The following QTMAN variants were observed in gnomAD, a reference collection of about 807,000 sequenced individuals.
The protein encoded by QTMAN is queuosine-tRNA mannosyltransferase.
At chr2:144,005,313 G>A in the QTMAN span, among the ~76,000 whole-genome samples, 3 of 152,190 alleles carry the variant, frequency 2.0e-5, no homozygotes, top group East Asian at 5.8e-4. Flanking sequence ...AATATCGAAT[G>A]TCAACATAAA....
the QTMAN span, among the ~76,000 whole-genome samples, chr2:144,229,464 A>G: frequency 6.6e-6 from 1 of 152,134 alleles, no homozygotes; most frequent in East Asian, 1.9e-4. Flanking sequence ...TTTCCTTTTT[A>G]TCCCCCAGTT....
At chr2:144,186,124 A>G in the QTMAN span, among the ~76,000 whole-genome samples, 1 of 152,186 alleles carries the variant, frequency 6.6e-6, no homozygotes, top group South Asian at 2.1e-4. Context: ...GTATGGGTCA[A>G]TATATCTACT....
the QTMAN span, chr2:144,332,553 C>G: frequency 6.7e-6 from 1 of 148,412 alleles, no homozygotes; most frequent in African/African-American, 2.4e-5. Context: ...CCGCCCCTCC[C>G]GGCCCGCGGC....
chr2:144,064,960 G>C, the QTMAN span, among the ~76,000 whole-genome samples: 1 of 152,186 alleles, frequency 6.6e-6, no homozygotes, highest in Non-Finnish European at 1.5e-5. Flanking sequence ...GAGGGGGGCA[G>C]AGTCCAGAGC....
chr2:144,238,797 G>A, the QTMAN span, among the ~76,000 whole-genome samples: 1 of 152,082 alleles, frequency 6.6e-6, no homozygotes, highest in African/African-American at 2.4e-5. Context: ...TTCAATGCTT[G>A]AATTACCATA....
chr2:144,185,696 T>G, the QTMAN span, among the ~76,000 whole-genome samples: 2 of 152,166 alleles, frequency 1.3e-5, no homozygotes, highest in African/African-American at 4.8e-5. Context: ...ACTTTCTGAG[T>G]GACAACTGTC....
the QTMAN span, among the ~76,000 whole-genome samples, chr2:143,985,744 G>A: frequency 6.8e-6 from 1 of 148,054 alleles, no homozygotes; most frequent in Non-Finnish European, 1.5e-5. Flanking sequence ...CACATATAGA[G>A]AGCAGTATGT....
chr2:144,177,867 A>G, the QTMAN span, among the ~76,000 whole-genome samples: 441 of 152,332 alleles, frequency 2.9e-3, 2 homozygotes, highest in African/African-American at 0.01. Context: ...GAATTTTAAC[A>G]TTATCAACAT....
chr2:144,180,314 T>C, the QTMAN span, among the ~76,000 whole-genome samples: 2 of 152,200 alleles, frequency 1.3e-5, no homozygotes, highest in African/African-American at 4.8e-5. Flanking sequence ...AAACCAAGAT[T>C]TTTTGGGAGT....
the QTMAN span, among the ~76,000 whole-genome samples, chr2:144,119,233 G>A: frequency 6.6e-6 from 1 of 152,102 alleles, no homozygotes. Context: ...GTATTGAGAG[G>A]CAGCAAGGAA....
the QTMAN span, among the ~76,000 whole-genome samples, chr2:143,959,555 C>G: frequency 6.6e-6 from 1 of 152,044 alleles, no homozygotes; most frequent in Admixed American, 6.6e-5. Context: ...GGAACATACT[C>G]AGCATTCAAT....
the QTMAN span, among the ~76,000 whole-genome samples, chr2:144,123,495 T>C: frequency 6.6e-6 from 1 of 152,136 alleles, no homozygotes; most frequent in Non-Finnish European, 1.5e-5. Flanking sequence ...AATTATTTTA[T>C]AACACAGATA....
chr2:144,184,930 T>C, the QTMAN span, among the ~76,000 whole-genome samples: 4 of 152,014 alleles, frequency 2.6e-5, no homozygotes, highest in African/African-American at 4.8e-5. Flanking sequence ...TAACCGTAAA[T>C]AGCTATATGA....
At chr2:144,284,487 A>G in the QTMAN span, among the ~76,000 whole-genome samples, 1 of 152,138 alleles carries the variant, frequency 6.6e-6, no homozygotes, top group Non-Finnish European at 1.5e-5. Flanking sequence ...ATTAAAAAAA[A>G]CTGAAAGGAA....
chr2:144,231,106 T>A, the QTMAN span, among the ~76,000 whole-genome samples: 6 of 152,012 alleles, frequency 3.9e-5, no homozygotes, highest in African/African-American at 1.4e-4. Context: ...AGAGGAAAAA[T>A]CAAACAACTG....
the QTMAN span, among the ~76,000 whole-genome samples, chr2:144,114,712 C>G: frequency 6.6e-6 from 1 of 151,880 alleles, no homozygotes; most frequent in African/African-American, 2.4e-5. Context: ...CAAAACAAAA[C>G]AAAACAAAAC....
the QTMAN span, chr2:144,208,935 T>C: frequency 1.9e-6 from 1 of 519,306 alleles, no homozygotes; most frequent in Admixed American, 3.6e-5. Flanking sequence ...CAAAATAGGC[T>C]TATCCCATTA....
the QTMAN span, among the ~76,000 whole-genome samples, chr2:144,320,165 C>G: frequency 1.3e-5 from 2 of 152,176 alleles, no homozygotes; most frequent in African/African-American, 4.8e-5. Context: ...TTTATTGGAA[C>G]ATGGCTATAT....
the QTMAN span, among the ~76,000 whole-genome samples, chr2:144,177,826 T>A: frequency 6.6e-6 from 1 of 152,176 alleles, no homozygotes; most frequent in Non-Finnish European, 1.5e-5. Context: ...CTAGTAGCCA[T>A]TAAAAAATAA....
Sources: gnomAD v4.1 joint callset for allele counts (sites outside exome capture counted in the v4.1 genomes callset) on GRCh38, gnomAD v4.1.1 for gene constraint, MANE v1.5 for transcripts, NCBI Gene and HGNC (gene_info 2026-07-23, HGNC 2026-07-21) for gene names.